PLCB4: variants seen among roughly 807,000 people sequenced by gnomAD.
The protein encoded by PLCB4 is 1-phosphatidylinositol 4,5-bisphosphate phosphodiesterase beta-4.
In PLCB4, 77 loss-of-function variants were observed where a neutral mutation model predicts 178.8. The ratio of observed to expected loss-of-function variants is 0.43; its 90% confidence interval spans 0.36 to 0.52. The LOEUF (loss-of-function observed/expected upper bound fraction) is 0.52, where lower values mean the gene tolerates loss of function less well. PLCB4 is among the 20% of genes least tolerant of loss of function. PLCB4 has a pLI of 0.00. For missense variants in PLCB4, 1,024 were observed against 1,453.4 expected (o/e 0.70, Z 4.80); for synonymous variants, 496 against 490.8 (o/e 1.01, Z -0.14).
At chr20:9,181,706 C>T (rs2093249298) in intron 2 of PLCB4, among the ~76,000 whole-genome samples, 1 of 152,116 alleles carries the variant, frequency 6.6e-6, no homozygotes, top group Non-Finnish European at 1.5e-5. Flanking sequence ...CCTAATCCAA[C>T]TCTAATTACC....
intron 4 of PLCB4, among the ~76,000 whole-genome samples, chr20:9,323,832 T>A (rs2029888118): frequency 6.6e-6 from 1 of 152,110 alleles, no homozygotes; most frequent in Non-Finnish European, 1.5e-5. Flanking sequence ...CTGGTGGGCG[T>A]TCTGTGCTCT....
At chr20:9,106,619 T>C (rs2091375419) in intron 2 of PLCB4, among the ~76,000 whole-genome samples, 1 of 152,096 alleles carries the variant, frequency 6.6e-6, no homozygotes, top group South Asian at 2.1e-4. Flanking sequence ...TTTCTAAATG[T>C]TTACTCTCAA....
intron 2 of PLCB4, among the ~76,000 whole-genome samples, chr20:9,135,845 C>T (rs1030999165): frequency 6.6e-6 from 1 of 152,048 alleles, no homozygotes; most frequent in Non-Finnish European, 1.5e-5. Flanking sequence ...GTGCGTAAGT[C>T]CTAGTACTGG....
intron 2 of PLCB4, among the ~76,000 whole-genome samples, chr20:9,110,448 C>A (rs919489924): frequency 2.6e-5 from 4 of 152,104 alleles, no homozygotes; most frequent in African/African-American, 9.7e-5. Flanking sequence ...AAAGACTAAA[C>A]AGTGTTTAGA....
chr20:9,135,771 G>A (rs1297038776), intron 2 of PLCB4, among the ~76,000 whole-genome samples: 1 of 151,934 alleles, frequency 6.6e-6, no homozygotes, highest in Non-Finnish European at 1.5e-5. Flanking sequence ...CTATTGTATA[G>A]AAAAGCACAT....
intron 7 of PLCB4, among the ~76,000 whole-genome samples, chr20:9,354,321 A>C: frequency 6.6e-6 from 1 of 152,206 alleles, no homozygotes; most frequent in East Asian, 1.9e-4. Flanking sequence ...ATTATATATA[A>C]ATTATAGCTC....
chr20:9,393,715 A>G (rs781045673), intron 18 of PLCB4, 37 bp downstream of exon 18: 1 of 1,271,028 alleles, frequency 7.9e-7, no homozygotes, highest in Non-Finnish European at 1.1e-6. Context: ...GGAAGCATAC[A>G]TAACATGTGT....
chr20:9,150,429 T>C (rs2092672337), intron 2 of PLCB4, among the ~76,000 whole-genome samples: 1 of 152,172 alleles, frequency 6.6e-6, no homozygotes, highest in South Asian at 2.1e-4. Flanking sequence ...GTCATGCACA[T>C]TTGTACTTTC....
At chr20:9,232,926 T>C (rs1342885633) in intron 3 of PLCB4, among the ~76,000 whole-genome samples, 5 of 152,140 alleles carry the variant, frequency 3.3e-5, no homozygotes, top group Non-Finnish European at 7.4e-5. Flanking sequence ...ATATGTTTAT[T>C]TGGGTTGAAT....
At chr20:9,223,240 A>G (rs1279446251) in intron 3 of PLCB4, among the ~76,000 whole-genome samples, 1 of 152,232 alleles carries the variant, frequency 6.6e-6, no homozygotes, top group African/African-American at 2.4e-5. Context: ...ATATACAATG[A>G]GAAAGGTATA....
At chr20:9,231,138 T>C (rs2093927385) in intron 3 of PLCB4, among the ~76,000 whole-genome samples, 1 of 152,182 alleles carries the variant, frequency 6.6e-6, no homozygotes, top group African/African-American at 2.4e-5. Context: ...GCTTTTATTT[T>C]CCTGTGTTGC....
At chr20:9,247,146 G>T (rs920163256) in intron 3 of PLCB4, among the ~76,000 whole-genome samples, 6 of 152,078 alleles carry the variant, frequency 3.9e-5, no homozygotes, top group African/African-American at 7.2e-5. Context: ...GATCTTTTTA[G>T]TACTACTGTA....
intron 7 of PLCB4, among the ~76,000 whole-genome samples, chr20:9,362,649 C>T (rs1194571559): frequency 6.6e-6 from 1 of 152,170 alleles, no homozygotes; most frequent in Non-Finnish European, 1.5e-5. Context: ...GGGCAACATT[C>T]CTTTGTGGCA....
chr20:9,371,353 A>T (rs2036237013), intron 10 of PLCB4, 58 bp downstream of exon 10: 1 of 882,794 alleles, frequency 1.1e-6, no homozygotes. Context: ...ATCTTCTCAT[A>T]TGTAATGAGC....
At chr20:9,270,134 CTTAAAGTAATA>C (rs762460426) in intron 3 of PLCB4, among the ~76,000 whole-genome samples, 73 of 152,200 alleles carry the variant, frequency 4.8e-4, no homozygotes, top group Non-Finnish European at 8.7e-4. Context: ...TCTATGACAG[CTTAAAGTAATA>C]TTAAGCATCA....
At chr20:9,453,311 G>A (rs374059016) in intron 32 of PLCB4, 36 bp from the exon 33 acceptor site, 2 of 1,204,588 alleles carry the variant, frequency 1.7e-6, no homozygotes, top group South Asian at 2.5e-5. Context: ...GCCATGCTAA[G>A]AGTCCAATTC....
intron 28 of PLCB4, among the ~76,000 whole-genome samples, chr20:9,431,561 G>A (rs761923106): frequency 5.3e-5 from 8 of 151,998 alleles, no homozygotes; most frequent in Admixed American, 1.3e-4. Context: ...CACTTGCCAG[G>A]TTCAAGCAAT....
At chr20:9,197,890 G>T (rs1053143684) in intron 2 of PLCB4, among the ~76,000 whole-genome samples, 14 of 152,184 alleles carry the variant, frequency 9.2e-5, no homozygotes, top group Admixed American at 2.0e-4. Context: ...CAGGAGAATT[G>T]CTGGAACCTG....
intron 17 of PLCB4, among the ~76,000 whole-genome samples, chr20:9,391,822 G>A (rs1332759177): frequency 1.3e-5 from 2 of 152,120 alleles, no homozygotes; most frequent in African/African-American, 4.8e-5. Flanking sequence ...CATCCCTCCC[G>A]AGGTGGGATA....
Sources: allele counts gnomAD v4.1 joint callset (sites outside exome capture counted in the v4.1 genomes callset), GRCh38; gene constraint gnomAD v4.1.1; transcripts MANE v1.5; gene names NCBI Gene and HGNC (gene_info 2026-07-23, HGNC 2026-07-21).